DOCK3: variants seen among roughly 807,000 people sequenced by gnomAD.
The protein encoded by DOCK3 is dedicator of cytokinesis protein 3.
A neutral mutation model predicts 265.6 loss-of-function variants in DOCK3; 60 were observed. The observed-to-expected ratio is 0.23, with a 90% CI of 0.18 to 0.28. DOCK3 has a LOEUF of 0.28. Among genes scored for constraint, DOCK3 ranks in the 10% least tolerant of loss-of-function variants. DOCK3 has a pLI of 1.00. For synonymous variants in DOCK3, 881 were observed against 938.0 expected, an observed-to-expected ratio of 0.94 and a Z score of 1.11; for missense variants, 1,981 against 2,594.3, an observed-to-expected ratio of 0.76 and a Z score of 5.14.
chr3:51,228,474 T>C (rs761671118), intron 17 of DOCK3, among the ~76,000 whole-genome samples, 187 bp from the exon 18 acceptor site: 2 of 152,162 alleles, frequency 1.3e-5, no homozygotes, highest in Non-Finnish European at 2.9e-5. Context: ...CCCACCATAT[T>C]CTGTTTAAAA....
chr3:50,899,383 A>T (rs961898352), intron 4 of DOCK3, among the ~76,000 whole-genome samples: 2 of 152,014 alleles, frequency 1.3e-5, no homozygotes, highest in Non-Finnish European at 2.9e-5. Context: ...TGCACCTGAG[A>T]TGGGTCTCCT....
rs1323293826 is a variant in DOCK3 at position 51,362,762 on chromosome 3, T to C, written c.5293+88T>C. The C allele has an allele frequency of 5.9e-6, 9 of 1,514,566 alleles. No individual in the cohort carries two copies. In the South Asian group the frequency reaches 9.9e-5, roughly 17 times the overall value. 93.8% of individuals were successfully genotyped at this position (1,514,566 alleles called of 1,614,324 possible). A position where few individuals can be genotyped will look rare whatever the true frequency, so the allele number is the denominator to read the frequency against. ...CTTCCTCTCATCTGTGGCTGTGTCT[T>C]TGAGCAGCCCTGTGACTTAGAGAAT... On this transcript the variant is annotated intron_variant, in intron 49 of 52. Transcript: ENST00000266037.
intron 10 of DOCK3, among the ~76,000 whole-genome samples, chr3:51,151,063 T>A (rs59957657): frequency 0.072 from 11,015 of 152,212 alleles, 992 homozygotes; most frequent in East Asian, 0.32. Flanking sequence ...CATTATGTAA[T>A]GCCCTTCTTT....
At chr3:50,797,919 C>T (rs2042874982) in intron 2 of DOCK3, among the ~76,000 whole-genome samples, 1 of 151,978 alleles carries the variant, frequency 6.6e-6, no homozygotes, top group Admixed American at 6.6e-5. Context: ...TGACGAATTA[C>T]AGATAGAGAA....
At chr3:50,909,282 C>G (rs886495716) in intron 4 of DOCK3, among the ~76,000 whole-genome samples, 3 of 151,956 alleles carry the variant, frequency 2.0e-5, no homozygotes, top group Admixed American at 2.0e-4. Flanking sequence ...ATTTTGCAGG[C>G]TTGTTCATGT....
chr3:51,039,286 G>T (rs148289850), intron 5 of DOCK3, among the ~76,000 whole-genome samples: 1 of 152,082 alleles, frequency 6.6e-6, no homozygotes, highest in Admixed American at 6.6e-5. Context: ...GTGAGCCACC[G>T]TACCCAGCTT....
chr3:51,353,511 C>T (rs748645416), intron 40 of DOCK3, among the ~76,000 whole-genome samples: 6 of 152,148 alleles, frequency 3.9e-5, no homozygotes, highest in Non-Finnish European at 7.3e-5. Flanking sequence ...ACTTGAGAGG[C>T]TGAAGTGGGA....
At position 50,676,200 on chromosome 3, in the gene DOCK3, A is replaced by G. The variant is rs146613231; in HGVS notation, c.37+900A>G. On this transcript the variant is annotated intron_variant, in intron 1 of 52. Transcript: ENST00000266037. ...TTAGATAGGAAACCTGTCTAAACAT[A>G]GATTTTTGTTTCCCATCTTTACCGC... is the stretch of plus-strand genomic sequence containing the variant. 5.3e-5 allele frequency among the ~76,000 whole-genome samples: 8 copies of G among 152,336 alleles called. No homozygotes were observed. In the East Asian group the frequency reaches 1.5e-3, roughly 29 times the overall value.
rs1244114466 is a variant in DOCK3 at position 51,312,914 on chromosome 3, C to T, written c.3253+12C>T. ...GTGGCAGAATTTGGGTAGGTTTTTTCTCCCTATTCTTCCCTTCTATATATT... is the reference window on the plus strand; with the variant it reads ...GTGGCAGAATTTGGGTAGGTTTTTTTTCCCTATTCTTCCCTTCTATATATT... On this transcript the variant is annotated intron_variant, in intron 31 of 52. Transcript: ENST00000266037. The T allele has an allele frequency of 1.3e-6, 2 of 1,596,766 alleles. No individual in the cohort carries two copies. The highest frequency in any genetic ancestry group is 1.7e-6 in the Non-Finnish European group (2 of 1,170,658).
chr3:51,383,033 C>A lies in DOCK3; in HGVS notation c.*1474C>A, dbSNP rs1019846161. ...TCACAAGGCTGCCTTGTTGGGCAGG[C>A]GTATTGCCCCCAGTTCCTCTTCTGC... On this transcript the variant is annotated 3_prime_UTR_variant, in exon 53 of 53. Transcript: ENST00000266037. The A allele has an allele frequency of 9.9e-5, 15 of 152,168 alleles. No homozygotes were observed. The highest frequency in any genetic ancestry group is 3.6e-4 in the African/African-American group (15 of 41,418). 9.4% of individuals were successfully genotyped at this position (152,168 alleles called of 1,614,324 possible).
intron 4 of DOCK3, among the ~76,000 whole-genome samples, chr3:50,932,117 G>A (rs1490081555): frequency 1.3e-5 from 2 of 152,150 alleles, no homozygotes; most frequent in Non-Finnish European, 2.9e-5. Flanking sequence ...ACAAGCCCTT[G>A]ATGAAAGCTT....
chr3:51,094,055 C>T (rs377117545), intron 9 of DOCK3, among the ~76,000 whole-genome samples: 38 of 152,250 alleles, frequency 2.5e-4, no homozygotes, highest in African/African-American at 8.9e-4. Context: ...TGATATGCTG[C>T]TGGAGTTGGT....
chr3:51,027,388 A>C (rs567440080), intron 5 of DOCK3, among the ~76,000 whole-genome samples: 10 of 151,928 alleles, frequency 6.6e-5, no homozygotes, highest in African/African-American at 2.4e-4. Context: ...TCAATCTTAG[A>C]GTATGTTCTA....
intron 5 of DOCK3, among the ~76,000 whole-genome samples, chr3:51,029,550 A>G (rs1259974732): frequency 6.6e-6 from 1 of 152,180 alleles, no homozygotes; most frequent in East Asian, 1.9e-4. Context: ...TTCTCTCTTC[A>G]TGTTCATTCC....
At chr3:51,024,099 T>C (rs1293118265) in intron 5 of DOCK3, among the ~76,000 whole-genome samples, 1 of 152,216 alleles carries the variant, frequency 6.6e-6, no homozygotes, top group Admixed American at 6.5e-5. Context: ...TAGTAAATTA[T>C]TTTAGCCTAA....
intron 3 of DOCK3, among the ~76,000 whole-genome samples, chr3:50,861,350 C>T (rs2046900693): frequency 6.6e-6 from 1 of 152,154 alleles, no homozygotes; most frequent in African/African-American, 2.4e-5. Flanking sequence ...TTGCTACTCC[C>T]CAATGGTCAA....
At chr3:51,147,207 G>A (rs753954361) in intron 10 of DOCK3, among the ~76,000 whole-genome samples, 6 of 152,088 alleles carry the variant, frequency 3.9e-5, no homozygotes, top group Non-Finnish European at 5.9e-5. Context: ...TATAATTTCT[G>A]ATGCATAATT....
chr3:50,761,909 C>T (rs61557316), intron 1 of DOCK3, among the ~76,000 whole-genome samples: 5,270 of 152,202 alleles, frequency 0.035, 726 homozygotes, highest in East Asian at 0.33. Flanking sequence ...ATATACAACA[C>T]GGAATACTAT....
intron 26 of DOCK3, among the ~76,000 whole-genome samples, chr3:51,278,990 T>A (rs1249806010): frequency 6.6e-6 from 1 of 152,148 alleles, no homozygotes; most frequent in Non-Finnish European, 1.5e-5. Context: ...GGCTCATGCC[T>A]GTAATCCCAA....
Sources: allele counts gnomAD v4.1 joint callset (sites outside exome capture counted in the v4.1 genomes callset), GRCh38; gene constraint gnomAD v4.1.1; transcripts MANE v1.5; gene names NCBI Gene and HGNC (gene_info 2026-07-23, HGNC 2026-07-21).